SLC39A11: variants seen among roughly 807,000 people sequenced by gnomAD.
SLC39A11 encodes solute carrier family 39 member 11, also known as zinc transporter ZIP11.
Under a neutral mutation model 36.1 loss-of-function variants are expected in SLC39A11, and 33 were observed. That is an observed-to-expected ratio of 0.91 (90% CI 0.69 to 1.22). The LOEUF (loss-of-function observed/expected upper bound fraction) is 1.22. SLC39A11 is among the 50% of genes most tolerant of loss of function. SLC39A11 has a pLI of 0.00. For missense variants in SLC39A11, 432 were observed against 430.3 expected (o/e 1.00, Z -0.03); for synonymous variants, 166 against 170.3 (o/e 0.97, Z 0.20).
chr17:72,979,000 G>C (rs921726920), intron 4 of SLC39A11, among the ~76,000 whole-genome samples: 10 of 152,112 alleles, frequency 6.6e-5, no homozygotes, highest in South Asian at 4.1e-4. Flanking sequence ...GACATGGTTA[G>C]GTTTTGTGTC....
chr17:72,971,814 CAG>C (rs2087479680), intron 4 of SLC39A11, among the ~76,000 whole-genome samples: 1 of 122,288 alleles, frequency 8.2e-6, no homozygotes, highest in African/African-American at 3.1e-5. Flanking sequence ...GGAGAAGACT[CAG>C]GGGCTGGGTG....
chr17:73,053,551 A>G (rs188654765), intron 3 of SLC39A11, among the ~76,000 whole-genome samples: 1 of 152,276 alleles, frequency 6.6e-6, no homozygotes, highest in African/African-American at 2.4e-5. Context: ...CTGTACAGCA[A>G]TCCTATACAG....
intron 5 of SLC39A11, among the ~76,000 whole-genome samples, chr17:72,919,364 G>C (rs1354602329): frequency 1.3e-5 from 2 of 152,064 alleles, no homozygotes; most frequent in African/African-American, 4.8e-5. Flanking sequence ...GATCATAAAG[G>C]TGAAGAAAGA....
chr17:73,006,929 A>C (rs910704713), intron 4 of SLC39A11, among the ~76,000 whole-genome samples: 8 of 152,184 alleles, frequency 5.3e-5, no homozygotes, highest in African/African-American at 1.9e-4. Context: ...ATAAAGCTCC[A>C]GGCTGAACAC....
intron 6 of SLC39A11, among the ~76,000 whole-genome samples, chr17:72,776,078 G>T (rs1470905923): frequency 4.6e-5 from 7 of 152,340 alleles, no homozygotes; most frequent in African/African-American, 1.4e-4. Context: ...CAGACCCCCT[G>T]CTTGGGGGAG....
intron 7 of SLC39A11, among the ~76,000 whole-genome samples, chr17:72,688,367 A>G (rs2071853238): frequency 6.6e-6 from 1 of 152,230 alleles, no homozygotes. Flanking sequence ...TTCCAGGCAA[A>G]TAATGCAGCT....
chr17:72,942,414 CTT>C (rs1409217486), intron 5 of SLC39A11, among the ~76,000 whole-genome samples: 1 of 152,138 alleles, frequency 6.6e-6, no homozygotes, highest in Admixed American at 6.5e-5. Context: ...TGAAAATACT[CTT>C]TCATTTTTAG....
At chr17:72,795,739 C>A (rs1019969421) in intron 6 of SLC39A11, among the ~76,000 whole-genome samples, 1 of 152,092 alleles carries the variant, frequency 6.6e-6, no homozygotes, top group African/African-American at 2.4e-5. Context: ...GCACACCATG[C>A]CTCGGCTTCT....
chr17:72,996,696 T>G lies in SLC39A11; in HGVS notation c.306+34860A>C, dbSNP rs2089529947. The stretch of plus-strand genomic sequence containing the variant: ...CCCACCCTACTCTAGTACGACCTCA[T>G]CTTAACTAATTACATCTGCAAAGAC... On this transcript the variant is annotated intron_variant, in intron 4 of 9. Transcript: ENST00000255559. Among the ~76,000 whole-genome samples the G allele has an allele frequency of 2.6e-5, 4 of 152,218 alleles. No individual in the cohort carries two copies. In the South Asian group the frequency reaches 8.3e-4, roughly 32 times the overall value.
chr17:72,758,452 A>G (rs1004000428), intron 6 of SLC39A11, among the ~76,000 whole-genome samples: 1 of 152,198 alleles, frequency 6.6e-6, no homozygotes, highest in African/African-American at 2.4e-5. Context: ...GTGCCTGGAT[A>G]AAAATATTCA....
chr17:73,004,227 G>GAAAGAAAGAAAGAAAGAAAGA (rs1555674238), intron 4 of SLC39A11, among the ~76,000 whole-genome samples: 11 of 92,502 alleles, frequency 1.2e-4, no homozygotes, highest in Admixed American at 4.3e-4. Flanking sequence ...AAGAAAGAAA[G>GAAAGAAAGAAAGAAAGAAAGA]AAAGAAAAGA....
intron 5 of SLC39A11, among the ~76,000 whole-genome samples, chr17:72,920,595 C>A (rs2083600319): frequency 6.7e-6 from 1 of 150,268 alleles, no homozygotes; most frequent in Non-Finnish European, 1.5e-5. Context: ...ACCCTCTTCC[C>A]ACCCCCTCTA....
chr17:72,947,397 G>C, intron 5 of SLC39A11: 1 of 271,510 alleles, frequency 3.7e-6, no homozygotes, highest in Non-Finnish European at 7.1e-6. Context: ...GGAGTATTCA[G>C]GGTTCATCAG....
At chr17:72,967,086 G>C (rs893656505) in intron 4 of SLC39A11, among the ~76,000 whole-genome samples, 2 of 152,250 alleles carry the variant, frequency 1.3e-5, no homozygotes, top group Middle Eastern at 3.4e-3. Context: ...CCTCGTTGCA[G>C]GAAAATGAGC....
Position 72,822,262 on chromosome 17 carries a change from AGAGAG to A in SLC39A11, c.601+27367_601+27371del, listed in dbSNP as rs1048520762. ...ACACACATACTATATATATATAGAG[AGAGAG>A]AATATATATAGAGAGAGATTATATA... On this transcript the variant is annotated intron_variant, in intron 6 of 9. Coordinates refer to ENST00000255559, the MANE Select transcript of SLC39A11 (RefSeq NM_139177.4). 2.0e-5 allele frequency among the ~76,000 whole-genome samples: 3 copies of A among 147,714 alleles called. No individual in the cohort carries two copies. The Admixed American group carries it at 2.0e-4, about 10-fold the overall frequency.
At chr17:72,678,309 T>C (rs1598318366) in intron 7 of SLC39A11, among the ~76,000 whole-genome samples, 1 of 152,114 alleles carries the variant, frequency 6.6e-6, no homozygotes, top group South Asian at 2.1e-4. Flanking sequence ...TTTCCCCCAC[T>C]GTGGGAAAAT....
intron 3 of SLC39A11, 152 bp downstream of exon 3, chr17:73,084,656 A>C: frequency 1.4e-6 from 1 of 700,492 alleles, no homozygotes; most frequent in Non-Finnish European, 2.5e-6. Flanking sequence ...CTGGGAAATA[A>C]ATATGGCAGG....
Position 72,947,742 on chromosome 17 carries a change from C to T in SLC39A11, c.430+10G>A, listed in dbSNP as rs775758058. On this transcript the variant is annotated intron_variant, in intron 5 of 9. Coordinates refer to ENST00000255559, the MANE Select transcript of SLC39A11 (RefSeq NM_139177.4). ...AGCAAAGAGCTTGCCTGAAAGAAGC[C>T]CAGCTCTACCTATCCGGATGGAAAG... is the stretch of plus-strand genomic sequence containing the variant. The T allele has an allele frequency of 1.9e-5, 31 of 1,613,716 alleles. No homozygotes were observed. The highest frequency in any genetic ancestry group is 2.6e-5 in the Non-Finnish European group (31 of 1,180,022).
chr17:72,855,259 G>A (rs2079577539), intron 5 of SLC39A11, among the ~76,000 whole-genome samples: 1 of 152,106 alleles, frequency 6.6e-6, no homozygotes, highest in African/African-American at 2.4e-5. Context: ...CATAGCCCAC[G>A]GGCCCAATCA....
Sources: allele counts gnomAD v4.1 joint callset (sites outside exome capture counted in the v4.1 genomes callset), GRCh38; gene constraint gnomAD v4.1.1; transcripts MANE v1.5; gene names NCBI Gene and HGNC (gene_info 2026-07-23, HGNC 2026-07-21).